KCNQ2: variants seen among roughly 807,000 people sequenced by gnomAD.
KCNQ2 encodes the protein potassium voltage-gated channel subfamily KQT member 2.
Under a neutral mutation model 84.8 loss-of-function variants are expected in KCNQ2, and 14 were observed. The ratio of observed to expected loss-of-function variants is 0.17; its 90% CI spans 0.11 to 0.26. KCNQ2 has a LOEUF of 0.26. Ranked by LOEUF, KCNQ2 falls within the 10% of genes least tolerant of loss-of-function variation. The probability of loss-of-function intolerance (pLI) is 1.00; values close to 1 mark genes in which losing one functional copy is unlikely to be tolerated. For synonymous variants in KCNQ2, 599 were observed against 554.1 expected, an observed-to-expected ratio of 1.08 and a Z score of -1.14; for missense variants, 788 against 1,254.0, an observed-to-expected ratio of 0.63 and a Z score of 5.61.
At chr20:63,445,497 G>A in intron 2 of KCNQ2, 133 bp from the exon 3 acceptor site, 1 of 531,560 alleles carries the variant, frequency 1.9e-6, no homozygotes, top group African/African-American at 4.3e-5. Flanking sequence ...GAAACTGCAA[G>A]CTGACCCCCC....
chr20:63,440,677 C>G (rs545471649), intron 5 of KCNQ2, among the ~76,000 whole-genome samples: 9 of 152,310 alleles, frequency 5.9e-5, no homozygotes, highest in African/African-American at 1.9e-4. Flanking sequence ...GGGAGTTTAC[C>G]CTGGGTTCCG....
intron 9 of KCNQ2, 143 bp from the exon 10 acceptor site, chr20:63,428,578 C>G (rs1217425418): frequency 1.4e-6 from 1 of 720,232 alleles, no homozygotes; most frequent in Non-Finnish European, 2.5e-6. Flanking sequence ...TTTCAGGCAG[C>G]TGCCCACTGG....
Position 63,402,275 on chromosome 20 carries a change from C to T in KCNQ2, c.*4369G>A. Reference sequence around the variant, plus strand: ...CCACGGCAGGTCCGAGCTTTGTGAACCGTCCCTCTCACGTCTGCTTTGAGG... The same window carrying T: ...CCACGGCAGGTCCGAGCTTTGTGAATCGTCCCTCTCACGTCTGCTTTGAGG... On this transcript the variant is annotated 3_prime_UTR_variant, in exon 17 of 17. Coordinates refer to ENST00000359125, the MANE Select transcript of KCNQ2 (RefSeq NM_172107.4). 1 of 180,668 alleles carries T rather than the reference C, an allele frequency of 5.5e-6. No individual in the cohort carries two copies. The highest frequency in any genetic ancestry group is 1.2e-5 in the Non-Finnish European group (1 of 85,456). 11.2% of individuals were successfully genotyped at this position (180,668 alleles called of 1,614,324 possible).
intron 1 of KCNQ2, among the ~76,000 whole-genome samples, chr20:63,470,034 A>G (rs550349174): frequency 8.5e-5 from 13 of 152,362 alleles, no homozygotes; most frequent in African/African-American, 3.1e-4. Context: ...CCCTGGGTTG[A>G]GAAGCAGCTG....
Position 63,446,337 on chromosome 20 carries a change from C to T in KCNQ2, c.387+410G>A, listed in dbSNP as rs924737741. 4.5e-5 allele frequency: 13 copies of T among 287,416 alleles called. No individual in the cohort carries two copies. The highest frequency in any genetic ancestry group is 4.2e-4 in the South Asian group (11 of 26,368). The allele number at this position is 287,416 out of a possible 1,614,324, so 17.8% of individuals were successfully genotyped here. ...AGGAACTGCACTCCCGTTGCCATGG[C>T]GCCCACCCTGCCCTGGCACAGGGTT... On this transcript the variant is annotated intron_variant, in intron 2 of 16. Transcript: ENST00000359125. The surrounding 1 kb of genome is among the most constrained non-coding windows in gnomAD (Gnocchi z 5.5).
In KCNQ2 at chr20:63,415,777, G is replaced by A. The variant is rs115523026; in HGVS notation, c.1302-651C>T. On this transcript the variant is annotated intron_variant, in intron 12 of 16. Transcript: ENST00000359125. ...AACACCGGGGCTGTGGCTCTTCCTCGGGCACCTCTGTCTGCCCCGGCCCCG... is the reference window on the plus strand; with the variant it reads ...AACACCGGGGCTGTGGCTCTTCCTCAGGCACCTCTGTCTGCCCCGGCCCCG... Among the ~76,000 whole-genome samples, 1,238 of 152,224 alleles carry A rather than the reference G, an allele frequency of 8.1e-3. 15 individuals are homozygous for A. The highest frequency in any genetic ancestry group is 0.028 in the African/African-American group (1,182 of 41,540).
At chr20:63,442,701 T>TCACCACCACCACCACCACCAC in intron 4 of KCNQ2, among the ~76,000 whole-genome samples, 170 bp from the exon 5 acceptor site, 1 of 48,068 alleles carries the variant, frequency 2.1e-5, no homozygotes, top group Non-Finnish European at 4.2e-5. Context: ...ATCACCACCA[T>TCACCACCACCACCACCACCAC]CACCATCACC....
intron 11 of KCNQ2, among the ~76,000 whole-genome samples, chr20:63,423,118 T>C (rs1478776741): frequency 6.6e-6 from 1 of 152,170 alleles, no homozygotes; most frequent in East Asian, 1.9e-4. Flanking sequence ...CTTAGCCTCT[T>C]TGAGAGGATG....
At chr20:63,470,004 C>T (rs1042074536) in intron 1 of KCNQ2, among the ~76,000 whole-genome samples, 7 of 152,262 alleles carry the variant, frequency 4.6e-5, no homozygotes, top group Non-Finnish European at 1.0e-4. Flanking sequence ...TGATGCCCCC[C>T]AGCAGTGGTG....
Position 63,414,751 on chromosome 20 carries a change from C to T in KCNQ2, c.1525+152G>A, listed in dbSNP as rs2080231072. 6 of 758,156 alleles carry T rather than the reference C, an allele frequency of 7.9e-6. No homozygotes were observed. The Admixed American group carries it at 1.2e-4, about 15-fold the overall frequency. The allele number at this position is 758,156 out of a possible 1,614,324, so 47.0% of individuals were successfully genotyped here. On this transcript the variant is annotated intron_variant, in intron 13 of 16. Transcript: ENST00000359125. The surrounding 1 kb of genome is among the most constrained non-coding windows in gnomAD (Gnocchi z 6.6). Reference sequence around the variant, plus strand: ...CTTTTAAATAGTTAATTTTAGGTTGCACAAGTCTCACCTCAATTTTAGAAA... The same window carrying T: ...CTTTTAAATAGTTAATTTTAGGTTGTACAAGTCTCACCTCAATTTTAGAAA...
rs80255723 is a variant in KCNQ2 at position 63,453,212 on chromosome 20, C to T, written c.297-6375G>A. Reference sequence around the variant, plus strand: ...TCCGCCCGCCGCCACAGGCCCACGGCTTCCAGCTCGAAGGCACTGGCCCTG... The same window carrying T: ...TCCGCCCGCCGCCACAGGCCCACGGTTTCCAGCTCGAAGGCACTGGCCCTG... On this transcript the variant is annotated intron_variant, in intron 1 of 16. Coordinates refer to ENST00000359125, the MANE Select transcript of KCNQ2 (RefSeq NM_172107.4). Among the ~76,000 whole-genome samples, 1,026 of 152,358 alleles carry T rather than the reference C, an allele frequency of 6.7e-3. 14 individuals carry two copies. Among genetic ancestry groups the T allele is most frequent in the African/African-American group, 0.023 (969 of 41,578 alleles).
intron 4 of KCNQ2, among the ~76,000 whole-genome samples, chr20:63,442,929 CCAT>C (rs1375432930): frequency 2.3e-4 from 16 of 70,812 alleles, no homozygotes; most frequent in African/African-American, 4.8e-4. Context: ...ACCACCATCA[CCAT>C]CACCACCACC....
chr20:63,451,839 T>C (rs1348549346), intron 1 of KCNQ2, among the ~76,000 whole-genome samples: 1 of 152,148 alleles, frequency 6.6e-6, no homozygotes, highest in Non-Finnish European at 1.5e-5. Flanking sequence ...GCAGGCGCAG[T>C]CCCCATAGCT....
chr20:63,424,294 G>A, intron 10 of KCNQ2, 88 bp from the exon 11 acceptor site: 9 of 1,449,216 alleles, frequency 6.2e-6, no homozygotes, highest in Non-Finnish European at 8.5e-6. Flanking sequence ...ACAGTCCCAT[G>A]GGTCAGGGGC....
Position 63,403,933 on chromosome 20 carries a change from T to C in KCNQ2, c.*2711A>G, listed in dbSNP as rs1160978769. 1.3e-5 allele frequency: 2 copies of C among 152,240 alleles called. No individual in the cohort carries two copies. Among genetic ancestry groups the C allele is most frequent in the Admixed American group, 6.5e-5 (1 of 15,274 alleles). 9.4% of individuals were successfully genotyped at this position (152,240 alleles called of 1,614,324 possible). Reference sequence around the variant, plus strand: ...GCTGCACTTCTCTGAGGTGGGGCAGTAGGTGGCTGCACTGCTCAGGCTAGA... The same window carrying C: ...GCTGCACTTCTCTGAGGTGGGGCAGCAGGTGGCTGCACTGCTCAGGCTAGA... On this transcript the variant is annotated 3_prime_UTR_variant, in exon 17 of 17. Coordinates refer to ENST00000359125, the MANE Select transcript of KCNQ2 (RefSeq NM_172107.4).
At chr20:63,467,769 T>C (rs775636566) in intron 1 of KCNQ2, among the ~76,000 whole-genome samples, 1 of 152,194 alleles carries the variant, frequency 6.6e-6, no homozygotes, top group Non-Finnish European at 1.5e-5. Context: ...CACTCCAGGA[T>C]TTAAGCATTT....
intron 1 of KCNQ2, among the ~76,000 whole-genome samples, chr20:63,458,370 C>G (rs558682245): frequency 6.6e-6 from 1 of 152,236 alleles, no homozygotes; most frequent in East Asian, 1.9e-4. Flanking sequence ...GTGGACCCCA[C>G]GCGACCCATC....
chr20:63,445,500 G>T, intron 2 of KCNQ2, 136 bp from the exon 3 acceptor site: 2 of 448,040 alleles, frequency 4.5e-6, no homozygotes, highest in Non-Finnish European at 7.2e-6. Context: ...ACTGCAAGCT[G>T]ACCCCCCCAC....
At position 63,446,616 on chromosome 20, in the gene KCNQ2, C is replaced by T. The variant is rs2081433967; in HGVS notation, c.387+131G>A. ...TGGGGGCAGATGGGAACTGACAGGG[C>T]ACAAAGACATGGCCAGAGCTGGGGC... On this transcript the variant is annotated intron_variant, in intron 2 of 16. Coordinates refer to ENST00000359125, the MANE Select transcript of KCNQ2 (RefSeq NM_172107.4). This position sits in a 1 kb window ranked among gnomAD's most constrained non-coding sequence, Gnocchi z 5.5. The T allele has an allele frequency of 2.6e-6, 2 of 769,608 alleles. No homozygotes were observed. Among genetic ancestry groups the T allele is most frequent in the Non-Finnish European group, 4.5e-6 (2 of 445,872 alleles). The allele number at this position is 769,608 out of a possible 1,614,324, so 47.7% of individuals were successfully genotyped here. A position where few individuals can be genotyped will look rare whatever the true frequency, so the allele number is the denominator to read the frequency against.
Sources: gnomAD v4.1 joint callset for allele counts (sites outside exome capture counted in the v4.1 genomes callset) on GRCh38, gnomAD v4.1.1 for gene constraint, Gnocchi (gnomAD v3.1) non-coding constraint, MANE v1.5 for transcripts, NCBI Gene and HGNC (gene_info 2026-07-23, HGNC 2026-07-21) for gene names.